The following PSD3 variants were observed in gnomAD, a reference collection of about 807,000 sequenced individuals.
PSD3 encodes PH and SEC7 domain-containing protein 3.
A neutral mutation model predicts 105.5 loss-of-function variants in PSD3; 49 were observed. That is an observed-to-expected ratio of 0.46 (90% CI 0.37 to 0.59). PSD3 has a LOEUF of 0.59. Ranked by LOEUF, PSD3 falls within the 20% of genes least tolerant of loss-of-function variation. PSD3 has a pLI of 0.00. For synonymous variants in PSD3, 557 were observed against 457.8 expected, an observed-to-expected ratio of 1.22 and a Z score of -2.77; for missense variants, 1,561 against 1,263.8, an observed-to-expected ratio of 1.24 and a Z score of -3.57.
chr8:18,759,367 T>A (rs925150938), intron 9 of PSD3, among the ~76,000 whole-genome samples: 2 of 152,320 alleles, frequency 1.3e-5, no homozygotes, highest in Admixed American at 1.3e-4. Context: ...TTCTTAGACC[T>A]ACTTGTGTAT....
chr8:18,787,761 A>G (rs991423069), intron 8 of PSD3, among the ~76,000 whole-genome samples: 4 of 152,234 alleles, frequency 2.6e-5, no homozygotes, highest in African/African-American at 7.2e-5. Flanking sequence ...AATGCCCTTT[A>G]GAGCAAAGTT....
chr8:18,675,402 A>G (rs1364699691), intron 9 of PSD3, among the ~76,000 whole-genome samples: 2 of 152,162 alleles, frequency 1.3e-5, no homozygotes, highest in African/African-American at 4.8e-5. Flanking sequence ...TTATTTATTT[A>G]CTGGAATCAA....
intron 11 of PSD3, among the ~76,000 whole-genome samples, chr8:18,614,806 GT>G (rs1554523091): frequency 5.3e-5 from 8 of 150,238 alleles, no homozygotes; most frequent in African/African-American, 1.7e-4. Flanking sequence ...TTTTTTTTTT[GT>G]TTTGTTTTCA....
chr8:18,646,085 C>G (rs1243745296), intron 10 of PSD3, among the ~76,000 whole-genome samples: 1 of 152,112 alleles, frequency 6.6e-6, no homozygotes, highest in Non-Finnish European at 1.5e-5. Context: ...CCATAGACAG[C>G]AATGACACTG....
At chr8:18,759,207 A>G (rs1806312097) in intron 9 of PSD3, among the ~76,000 whole-genome samples, 1 of 152,004 alleles carries the variant, frequency 6.6e-6, no homozygotes, top group South Asian at 2.1e-4. Flanking sequence ...ATTTCTATAA[A>G]AAAACTTAAA....
intron 1 of PSD3, among the ~76,000 whole-genome samples, chr8:19,076,089 T>C (rs1180464482): frequency 8.6e-6 from 1 of 116,422 alleles, no homozygotes; most frequent in Non-Finnish European, 1.8e-5. Context: ...TAGGTTGTTA[T>C]GGAGGATGCT....
At chr8:19,019,473 G>A (rs1228324415) in intron 1 of PSD3, among the ~76,000 whole-genome samples, 3 of 151,970 alleles carry the variant, frequency 2.0e-5, no homozygotes, top group Admixed American at 6.6e-5. Context: ...TTCAATAAGC[G>A]GGCTGCCTAC....
rs554443588 is a variant in PSD3, at chr8:18,697,583, T to A, written c.2173-41898A>T. 5.9e-5 allele frequency among the ~76,000 whole-genome samples: 9 copies of A among 152,326 alleles called. No individual in the cohort carries two copies. The South Asian group carries it at 1.9e-3, about 32-fold the overall frequency. ...TATATTCTAGAACATTATTGTTACT[T>A]AAAGAAACAAAATGCTTTAAATGGA... On this transcript the variant is annotated intron_variant, in intron 9 of 15. Coordinates refer to ENST00000327040, the MANE Select transcript of PSD3 (RefSeq NM_015310.4).
intron 8 of PSD3, among the ~76,000 whole-genome samples, chr8:18,785,209 G>A (rs983586563): frequency 6.6e-6 from 1 of 152,094 alleles, no homozygotes; most frequent in Non-Finnish European, 1.5e-5. Flanking sequence ...TATATTGATT[G>A]GAAGTGTTTT....
chr8:18,820,620 G>A (rs376097339), intron 4 of PSD3, among the ~76,000 whole-genome samples: 4 of 151,942 alleles, frequency 2.6e-5, no homozygotes, highest in East Asian at 3.9e-4. Context: ...AAAAAAATAC[G>A]AACATTCTCA....
chr8:18,961,573 C>A (rs992848315), intron 1 of PSD3, among the ~76,000 whole-genome samples: 1 of 152,002 alleles, frequency 6.6e-6, no homozygotes, highest in African/African-American at 2.4e-5. Context: ...GCTTGTAATC[C>A]CAGCTACTCG....
intron 1 of PSD3, among the ~76,000 whole-genome samples, chr8:19,026,339 C>G (rs1210825108): frequency 6.6e-6 from 1 of 152,046 alleles, no homozygotes; most frequent in Non-Finnish European, 1.5e-5. Context: ...ATTTAAAGAG[C>G]TTTATTAAAA....
At chr8:18,822,285 C>A (rs4921964) in intron 4 of PSD3, among the ~76,000 whole-genome samples, 59,785 of 151,876 alleles carry the variant, frequency 0.39, 13,047 homozygotes, top group Admixed American at 0.52. Flanking sequence ...AAGTATGATG[C>A]ATAGCCCTAA....
chr8:18,783,160 C>G (rs545688825), intron 8 of PSD3, among the ~76,000 whole-genome samples: 136 of 152,298 alleles, frequency 8.9e-4, no homozygotes, highest in African/African-American at 3.2e-3. Flanking sequence ...GATTACTAAA[C>G]TCTTCACTTG....
rs774822121 is a variant in PSD3, at chr8:18,762,988, C to T, written c.2172+2461G>A. The T allele has an allele frequency of 1.8e-5, 22 of 1,201,652 alleles. No individual in the cohort carries two copies. The East Asian group carries it at 1.1e-3, about 62-fold the overall frequency. 74.4% of individuals were successfully genotyped at this position (1,201,652 alleles called of 1,614,324 possible). A position where few individuals can be genotyped will look rare whatever the true frequency, so the allele number is the denominator to read the frequency against. ...AGTCTGTGATCTCTGAGGACAGGTG[C>T]CCATTTGGTTTCAGCATCTTCTCCA... is the stretch of plus-strand genomic sequence containing the variant. On this transcript the variant is annotated intron_variant, in intron 9 of 15. Coordinates refer to ENST00000327040, the MANE Select transcript of PSD3 (RefSeq NM_015310.4).
intron 4 of PSD3, among the ~76,000 whole-genome samples, chr8:18,845,754 T>C (rs1815037540): frequency 2.0e-5 from 3 of 151,970 alleles, no homozygotes; most frequent in African/African-American, 2.4e-5. Flanking sequence ...CAGAACAACA[T>C]AGCAAGACCC....
At chr8:18,544,202 A>G (rs1326928883) in intron 15 of PSD3, among the ~76,000 whole-genome samples, 1 of 149,738 alleles carries the variant, frequency 6.7e-6, no homozygotes, top group Non-Finnish European at 1.5e-5. Flanking sequence ...AAAAAAACCA[A>G]ACAAAACAAG....
At chr8:18,717,869 A>G (rs1385788300) in intron 9 of PSD3, among the ~76,000 whole-genome samples, 1 of 152,086 alleles carries the variant, frequency 6.6e-6, no homozygotes, top group Non-Finnish European at 1.5e-5. Flanking sequence ...CGAACATTAA[A>G]TTCTCTGCGG....
At chr8:18,934,063 T>C (rs1821918309) in intron 2 of PSD3, among the ~76,000 whole-genome samples, 1 of 152,218 alleles carries the variant, frequency 6.6e-6, no homozygotes, top group Admixed American at 6.5e-5. Flanking sequence ...CTAATAAATA[T>C]TCACTTTTTA....
Sources: gnomAD v4.1 joint callset for allele counts (sites outside exome capture counted in the v4.1 genomes callset) on GRCh38, gnomAD v4.1.1 for gene constraint, MANE v1.5 for transcripts, NCBI Gene and HGNC (gene_info 2026-07-23, HGNC 2026-07-21) for gene names.